CPSF1: variants seen among roughly 807,000 people sequenced by gnomAD.
CPSF1 encodes cleavage and polyadenylation specificity factor subunit 1.
CPSF1 carries 106 observed loss-of-function variants against 175.8 expected under a neutral mutation model. The ratio of observed to expected loss-of-function variants is 0.60; its 90% CI spans 0.52 to 0.71. The LOEUF (loss-of-function observed/expected upper bound fraction) is 0.71, where lower values mean the gene tolerates loss of function less well. CPSF1 is among the 30% of genes least tolerant of loss of function. The pLI, the probability that CPSF1 is intolerant of heterozygous loss-of-function variation, is 0.00. For synonymous variants in CPSF1, 1,024 were observed against 858.3 expected (o/e 1.19, Z -3.37); for missense variants, 1,734 against 2,022.9 (o/e 0.86, Z 2.74).
rs569983240 is a variant in CPSF1, at chr8:144,397,046, T to C, written c.2593-117A>G. The stretch of plus-strand genomic sequence containing the variant: ...GGGGCTGAGATGGGGTGGAGCCATG[T>C]ATGGGAAGGGGCGGGGCTGTGAGGG... On this transcript the variant is annotated intron_variant, in intron 23 of 37. Coordinates refer to ENST00000616140, the MANE Select transcript of CPSF1 (RefSeq NM_013291.3). The C allele has an allele frequency of 7.9e-5, 69 of 870,346 alleles. No homozygotes were observed. In the East Asian group the frequency reaches 1.8e-3, roughly 23 times the overall value. 53.9% of individuals were successfully genotyped at this position (870,346 alleles called of 1,614,324 possible).
rs2116873482 is a variant in CPSF1 at position 144,400,211 on chromosome 8, C to T, written c.892G>A (p.Val298Met). ...YLNQSVPPYG[V>M]ALNSLTTGTT... ...CCTGTGGTGAGGCTGTTGAGAGCCA[C>T]GCCATACGGGGGGACGCTCTGGTTC... Residue 298 changes from valine to methionine, a missense_variant, in exon 9 of 38, where the codon GTG becomes ATG. This residue lies in a region of CPSF1 where 61 missense variants were observed against 104.0 expected (regional missense o/e 0.59). Transcript: ENST00000616140. 1.9e-6 allele frequency: 3 copies of T among 1,575,048 alleles called. No homozygotes were observed. The highest frequency in any genetic ancestry group is 2.3e-5 in the East Asian group (1 of 43,830).
Position 144,399,250 on chromosome 8 carries a change from CG to C in CPSF1, c.1392+25del. The C allele has an allele frequency of 1.2e-6, 2 of 1,611,400 alleles. No homozygotes were observed. Among genetic ancestry groups the C allele is most frequent in the African/African-American group, 2.7e-5 (2 of 74,956 alleles). ...GGCCCGCTGGGGGCGCTGGCTGGGACGGGGGCCCTGCTGCCTCAATCTCACC... is the reference window on the plus strand; with the variant it reads ...GGCCCGCTGGGGGCGCTGGCTGGGACGGGGCCCTGCTGCCTCAATCTCACC... On this transcript the variant is annotated intron_variant, in intron 14 of 37. Transcript: ENST00000616140. The surrounding 1 kb of genome is among the most constrained non-coding windows in gnomAD (Gnocchi z 6.4).
At chr8:144,395,222 C>CA (rs1292388709) in intron 28 of CPSF1, 40 bp from the exon 29 acceptor site, 1 of 1,612,692 alleles carries the variant, frequency 6.2e-7, no homozygotes, top group Non-Finnish European at 8.5e-7. Context: ...AGGGCTTCCC[C>CA]AAGATGCGGC....
At chr8:144,402,196 A>G (rs1821249458) in intron 2 of CPSF1, among the ~76,000 whole-genome samples, 1 of 152,224 alleles carries the variant, frequency 6.6e-6, no homozygotes, top group South Asian at 2.1e-4. Flanking sequence ...TCCCAGAATG[A>G]TAAGAGGCTG....
At position 144,399,449 on chromosome 8, in the gene CPSF1, C is replaced by G. The variant is rs2116862746; in HGVS notation, c.1294+3G>C. 6.2e-7 allele frequency: 1 copy of G among 1,612,938 alleles called. No individual in the cohort carries two copies. The highest frequency in any genetic ancestry group is 1.1e-5 in the South Asian group (1 of 91,062). ...TCCTGACCAGCCCTGGACCGGCCCT[C>G]ACCTGACCAGCCGGCCGTCGCATCC... On this transcript the variant is annotated splice_donor_region_variant and intron_variant, in intron 13 of 37. Coordinates refer to ENST00000616140, the MANE Select transcript of CPSF1 (RefSeq NM_013291.3). This position sits in a 1 kb window ranked among gnomAD's most constrained non-coding sequence, Gnocchi z 6.4.
rs1821192766 is a variant in CPSF1, at chr8:144,401,262, G to A, written c.336C>T (p.Thr112=). The stretch of plus-strand genomic sequence containing the variant: ...GCAGTGACAGGGTCTTCAGGTCATG[G>A]GTGCCCGGGTCGTACTCCACCACAG... The part of the protein sequence containing the change: ...KLSVVEYDPG[T]HDLKTLSLHY... The change falls in exon 5 of 38, where the codon ACC becomes ACT. Residue 112 remains threonine, a synonymous_variant. Transcript: ENST00000616140. 1.3e-6 allele frequency: 2 copies of A among 1,553,468 alleles called. No individual in the cohort carries two copies. Among genetic ancestry groups the A allele is most frequent in the East Asian group, 4.9e-5 (2 of 40,994 alleles).
At chr8:144,400,139 C>CCCT (rs1451881249) in intron 9 of CPSF1, 27 bp downstream of exon 9, 3 of 1,221,656 alleles carry the variant, frequency 2.5e-6, no homozygotes, top group Non-Finnish European at 3.4e-6. Context: ...CCCCGGGCCC[C>CCCT]CCCCGCCCCA....
chr8:144,402,403 G>C (rs2116891124), intron 2 of CPSF1, among the ~76,000 whole-genome samples: 7 of 152,146 alleles, frequency 4.6e-5, no homozygotes, highest in Non-Finnish European at 8.8e-5. Context: ...TGCCTCCCGG[G>C]TTCAAGTGAT....
In CPSF1 at chr8:144,397,502, C is replaced by G; in HGVS notation, c.2370G>C (p.Glu790Asp). ...EPTHWCLLVR[E>D]NGTMEIYQLP... ...CACCACCTACCTCCATGGTGCCATT[C>G]TCCCGCACCAGCAGGCACCAGTGGG... Residue 790 changes from glutamate to aspartate, a missense_variant, in exon 22 of 38, where the codon GAG (glutamate) becomes GAC (aspartate). This residue lies in a region of CPSF1 where 585 missense variants were observed against 584.7 expected (regional missense o/e 1.00). Transcript: ENST00000616140. 1 of 1,591,688 alleles carries G rather than the reference C, an allele frequency of 6.3e-7. No individual in the cohort carries two copies. Among genetic ancestry groups the G allele is most frequent in the Non-Finnish European group, 8.6e-7 (1 of 1,163,958 alleles).
chr8:144,399,268 A>T lies in CPSF1; in HGVS notation c.1392+8T>A, dbSNP rs2116860991. The T allele has an allele frequency of 3.7e-6, 6 of 1,612,382 alleles. No homozygotes were observed. In the Admixed American group the frequency reaches 1.0e-4, roughly 27 times the overall value. Reference sequence around the variant, plus strand: ...GCTGGGACGGGGGCCCTGCTGCCTCAATCTCACCTCAAAGGAGTAGGTGGC... The same window carrying T: ...GCTGGGACGGGGGCCCTGCTGCCTCTATCTCACCTCAAAGGAGTAGGTGGC... On this transcript the variant is annotated splice_region_variant and intron_variant, in intron 14 of 37. Coordinates refer to ENST00000616140, the MANE Select transcript of CPSF1 (RefSeq NM_013291.3). The surrounding 1 kb of genome is among the most constrained non-coding windows in gnomAD (Gnocchi z 6.4).
rs1012123672 is a variant in CPSF1, at chr8:144,397,773, G to A, written c.2180C>T (p.Pro727Leu). The change falls in exon 21 of 38, where the codon CCG (proline) becomes CTG (leucine). Residue 727 changes from proline to leucine, a missense_variant. Physicochemically the swap from Pro to Leu is moderately conservative, Grantham distance 98. This residue lies in a region of CPSF1 where 585 missense variants were observed against 584.7 expected (regional missense o/e 1.00). Transcript: ENST00000616140. ...CTCTGAGCCCAGGCCCTCGGCCTCCGGGCCACTGCGGCCCCCGAGCTCGTC... is the reference window on the plus strand; with the variant it reads ...CTCTGAGCCCAGGCCCTCGGCCTCCAGGCCACTGCGGCCCCCGAGCTCGTC... Reference protein sequence around the residue: ...ARDELGGRSGPEAEGLGSETS... With the variant: ...ARDELGGRSGLEAEGLGSETS... The A allele has an allele frequency of 1.9e-5, 31 of 1,609,124 alleles. No homozygotes were observed. Among genetic ancestry groups the A allele is most frequent in the South Asian group, 5.5e-5 (5 of 90,964 alleles).
Position 144,397,570 on chromosome 8 carries a change from GC to G in CPSF1, c.2301del (p.Gln767HisfsTer42). On this transcript the variant is annotated frameshift_variant, in exon 22 of 38. Coordinates refer to ENST00000616140, the MANE Select transcript of CPSF1 (RefSeq NM_013291.3). LOFTEE classifies it high-confidence loss of function. Reference protein sequence around the residue: ...PSKEEARRSSQPPADRDPAPF... With the variant: ...PSKEEARRSSXPPADRDPAPF... The stretch of plus-strand genomic sequence containing the variant: ...GGTGCAGGGTCCCGGTCAGCAGGGG[GC>G]TGGCTGCTTCTTCGGGCCTCCTCCT... 2.6e-6 allele frequency: 4 copies of G among 1,545,532 alleles called. No homozygotes were observed. Among genetic ancestry groups the G allele is most frequent in the Non-Finnish European group, 3.5e-6 (4 of 1,140,718 alleles).
Position 144,397,792 on chromosome 8 carries a change from G to C in CPSF1, c.2161C>G (p.Leu721Val), listed in dbSNP as rs782280008. 1.8e-5 allele frequency: 29 copies of C among 1,610,408 alleles called. No homozygotes were observed. The highest frequency in any genetic ancestry group is 6.7e-5 in the East Asian group (3 of 44,864). ...GCCTCCGGGCCACTGCGGCCCCCGA[G>C]CTCGTCACGGGCCCCACCCAGGCGG... is the stretch of plus-strand genomic sequence containing the variant. ...ESRLGGARDE[L>V]GGRSGPEAEG... is the part of the protein sequence containing the mutation. Residue 721 changes from leucine to valine, a missense_variant, in exon 21 of 38, where the codon CTC becomes GTC. Leu to Val is a conservative substitution (Grantham distance 32). Transcript: ENST00000616140.
Position 144,400,843 on chromosome 8 carries a change from A to AGAGGAGGGGAGGC in CPSF1, c.540-39_540-27dup, listed in dbSNP as rs2116878830. On this transcript the variant is annotated intron_variant, in intron 6 of 37. Coordinates refer to ENST00000616140, the MANE Select transcript of CPSF1 (RefSeq NM_013291.3). The stretch of plus-strand genomic sequence containing the variant: ...CTGGGGGGCCAGGGGCTTCAGCAGG[A>AGAGGAGGGGAGGC]GAGGAGGGGAGGCGGGGAGGGGAGC... 7 of 1,611,634 alleles carry AGAGGAGGGGAGGC rather than the reference A, an allele frequency of 4.3e-6. 1 individual carries two copies. The African/African-American group carries it at 5.3e-5, about 12-fold the overall frequency.
At position 144,394,174 on chromosome 8, in the gene CPSF1, G is replaced by A. The variant is rs1554862618; in HGVS notation, c.3812-14C>T. The A allele has an allele frequency of 2.5e-6, 4 of 1,612,498 alleles. No homozygotes were observed. In the African/African-American group the frequency reaches 5.3e-5, roughly 22 times the overall value. ...CGCGGTCAGACACTGGGGAGCAGAGGCCCAGGGTCAGCCCCGGCCACCCCC... is the reference window on the plus strand; with the variant it reads ...CGCGGTCAGACACTGGGGAGCAGAGACCCAGGGTCAGCCCCGGCCACCCCC... On this transcript the variant is annotated splice_polypyrimidine_tract_variant and intron_variant, in intron 33 of 37. Transcript: ENST00000616140.
Position 144,399,826 on chromosome 8 carries a change from T to C in CPSF1, c.1074A>G (p.Arg358=). The C allele has an allele frequency of 1.3e-6, 2 of 1,556,756 alleles. No homozygotes were observed. The highest frequency in any genetic ancestry group is 1.2e-5 in the South Asian group (1 of 84,744). The change falls in exon 11 of 38, where the codon CGA becomes CGG. Residue 358 remains arginine, a synonymous_variant. Transcript: ENST00000616140. The surrounding 1 kb of genome is among the most constrained non-coding windows in gnomAD (Gnocchi z 6.4). ...TLITDGMRSV[R]AFHFDKAAAS... ...CGGCCGCCTTGTCAAAGTGGAACGC[T>C]CGGACACTGCGCATGCCGTCGGTGA...
Position 144,396,622 on chromosome 8 carries a change from GA to G in CPSF1, c.2801del (p.Phe934SerfsTer22). 1 of 1,613,544 alleles carries G rather than the reference GA, an allele frequency of 6.2e-7. No individual in the cohort carries two copies. The highest frequency in any genetic ancestry group is 8.5e-7 in the Non-Finnish European group (1 of 1,179,928). On this transcript the variant is annotated frameshift_variant, in exon 25 of 38. Transcript: ENST00000616140. LOFTEE classifies it high-confidence loss of function. ...CCCCTGAGTAGCCATAAATATCCTC[GA>G]AGTAGCGGAAACGCGCCACGCGGCC... ...ARGRVARFRYFEDIYGYSGVF... is the reference protein window; with the variant it reads ...ARGRVARFRYXEDIYGYSGVF...
At position 144,393,699 on chromosome 8, in the gene CPSF1, T is replaced by G; in HGVS notation, c.4113A>C (p.Pro1371=). ...CGCGGGGGTTGAGGCCGGCGTGGTGTGGCAGCATGGTGGTCAGCGCGTTCT... is the reference window on the plus strand; with the variant it reads ...CGCGGGGGTTGAGGCCGGCGTGGTGGGGCAGCATGGTGGTCAGCGCGTTCT... ...MLQNALTTML[P]HHAGLNPRAF... Residue 1371 remains proline (P), a synonymous_variant, in exon 36 of 38, where the codon CCA becomes CCC. Transcript: ENST00000616140. 1 of 1,564,900 alleles carries G rather than the reference T, an allele frequency of 6.4e-7. No homozygotes were observed. Among genetic ancestry groups the G allele is most frequent in the Non-Finnish European group, 8.6e-7 (1 of 1,162,072 alleles).
chr8:144,394,845 G>C lies in CPSF1; in HGVS notation c.3414+37C>G, dbSNP rs372504107. 5.6e-6 allele frequency: 9 copies of C among 1,612,044 alleles called. No individual in the cohort carries two copies. The South Asian group carries it at 8.8e-5, about 16-fold the overall frequency. On this transcript the variant is annotated intron_variant, in intron 30 of 37. Coordinates refer to ENST00000616140, the MANE Select transcript of CPSF1 (RefSeq NM_013291.3). The stretch of plus-strand genomic sequence containing the variant: ...GGGATGGCTGTGGGGATGGCAGAGG[G>C]GCTGCCAGTTCCCGCCCCCGCTCAC...
Sources: allele counts gnomAD v4.1 joint callset (sites outside exome capture counted in the v4.1 genomes callset), GRCh38; gene constraint gnomAD v4.1.1; regional missense constraint gnomAD v4.1.1; non-coding constraint Gnocchi (gnomAD v3.1); transcripts MANE v1.5; gene names NCBI Gene and HGNC (gene_info 2026-07-23, HGNC 2026-07-21).